SPON1: variants seen among roughly 807,000 people sequenced by gnomAD.
SPON1 encodes spondin-1.
Under a neutral mutation model 111.7 loss-of-function variants are expected in SPON1, and 52 were observed. That is an observed-to-expected ratio of 0.47 (90% CI 0.37 to 0.59). The LOEUF (loss-of-function observed/expected upper bound fraction) is 0.59. Among genes scored for constraint, SPON1 ranks in the 20% least tolerant of loss-of-function variants. SPON1 has a pLI of 0.00. For missense variants in SPON1, 957 were observed against 1,068.5 expected (o/e 0.90, Z 1.46); for synonymous variants, 410 against 395.8 (o/e 1.04, Z -0.43).
intron 2 of SPON1, among the ~76,000 whole-genome samples, chr11:13,992,645 C>T (rs1287795746): frequency 6.6e-6 from 1 of 152,100 alleles, no homozygotes; most frequent in Admixed American, 6.5e-5. Flanking sequence ...AGTATCTGCC[C>T]AAATGGCCAC....
intron 6 of SPON1, among the ~76,000 whole-genome samples, chr11:14,219,499 A>C (rs1398386544): frequency 6.6e-6 from 1 of 152,136 alleles, no homozygotes; most frequent in Non-Finnish European, 1.5e-5. Context: ...TGACCCTGAG[A>C]TCTGGATTTT....
chr11:14,240,589 TTGTGTG>T (rs56265194), intron 6 of SPON1, among the ~76,000 whole-genome samples: 33,383 of 140,214 alleles, frequency 0.24, 4,334 homozygotes, highest in East Asian at 0.38. Flanking sequence ...AGAAGCAATA[TTGTGTG>T]TGTGTGTGTG....
intron 6 of SPON1, among the ~76,000 whole-genome samples, chr11:14,225,386 A>G (rs2133908914): frequency 6.6e-6 from 1 of 152,280 alleles, no homozygotes; most frequent in East Asian, 1.9e-4. Context: ...ACAAAACTAT[A>G]CATAGTTTCG....
In SPON1 at chr11:14,144,485, C is replaced by T. The variant is rs562667088; in HGVS notation, c.825+8917C>T. Reference sequence around the variant, plus strand: ...TCTCTACTAAAAATACAAAAATTAGCCAGGCGTGGCGGCAGGCACCTGTAA... The same window carrying T: ...TCTCTACTAAAAATACAAAAATTAGTCAGGCGTGGCGGCAGGCACCTGTAA... On this transcript the variant is annotated intron_variant, in intron 6 of 15. Coordinates refer to ENST00000576479, the MANE Select transcript of SPON1 (RefSeq NM_006108.4). Among the ~76,000 whole-genome samples the T allele has an allele frequency of 4.4e-4, 67 of 151,942 alleles. No homozygotes were observed. The South Asian group carries it at 6.5e-3, about 15-fold the overall frequency.
intron 6 of SPON1, among the ~76,000 whole-genome samples, chr11:14,175,327 G>C (rs1237383987): frequency 6.6e-6 from 1 of 152,172 alleles, no homozygotes; most frequent in East Asian, 1.9e-4. Flanking sequence ...TCAAAAGAAA[G>C]TATTCCCACA....
chr11:14,058,135 GA>G (rs1474036107), intron 3 of SPON1, among the ~76,000 whole-genome samples: 1 of 152,084 alleles, frequency 6.6e-6, no homozygotes, highest in Non-Finnish European at 1.5e-5. Context: ...TTTTCTCTCA[GA>G]AGGTTGGGCC....
At chr11:14,162,576 A>G (rs952567373) in intron 6 of SPON1, among the ~76,000 whole-genome samples, 3 of 152,278 alleles carry the variant, frequency 2.0e-5, no homozygotes, top group East Asian at 1.9e-4. Flanking sequence ...ACTTTTCCCA[A>G]TCTTTTACAG....
chr11:13,993,254 A>G (rs531814327), intron 2 of SPON1, among the ~76,000 whole-genome samples: 4 of 152,094 alleles, frequency 2.6e-5, no homozygotes, highest in African/African-American at 9.6e-5. Flanking sequence ...CACCTCTCCA[A>G]AGAAGGCCGA....
intron 2 of SPON1, among the ~76,000 whole-genome samples, chr11:13,990,688 A>G (rs1007579603): frequency 3.3e-5 from 5 of 151,978 alleles, no homozygotes; most frequent in Admixed American, 3.3e-4. Flanking sequence ...ACCATTTGGC[A>G]TATTTTTGCG....
intron 5 of SPON1, among the ~76,000 whole-genome samples, chr11:14,084,209 A>G (rs1375494225): frequency 6.6e-6 from 1 of 151,844 alleles, no homozygotes; most frequent in Non-Finnish European, 1.5e-5. Flanking sequence ...TACATGTGCC[A>G]TGGTGGTTTT....
chr11:14,107,181 G>A (rs1164745382), intron 5 of SPON1, among the ~76,000 whole-genome samples: 8 of 152,138 alleles, frequency 5.3e-5, no homozygotes, highest in Non-Finnish European at 1.0e-4. Context: ...CTTTCTGGAG[G>A]GTTTTGCTGG....
chr11:13,988,049 T>A (rs1848199201), intron 2 of SPON1, among the ~76,000 whole-genome samples: 1 of 152,196 alleles, frequency 6.6e-6, no homozygotes, highest in Non-Finnish European at 1.5e-5. Context: ...CTTTTTTGGC[T>A]CCATATGAAG....
intron 7 of SPON1, among the ~76,000 whole-genome samples, chr11:14,252,593 CAG>C (rs1849064598): frequency 8.9e-6 from 1 of 112,166 alleles, no homozygotes; most frequent in Non-Finnish European, 2.0e-5. Context: ...AAGACCTGCG[CAG>C]AGTGTGGGAA....
chr11:14,185,841 A>G (rs1259720993), intron 6 of SPON1, among the ~76,000 whole-genome samples: 3 of 152,236 alleles, frequency 2.0e-5, no homozygotes, highest in Non-Finnish European at 4.4e-5. Flanking sequence ...ACTGATCAGA[A>G]CATTGCAAAG....
rs552037742 is a variant in SPON1 at position 14,030,468 on chromosome 11, C to T, written c.346-11053C>T. Among the ~76,000 whole-genome samples the T allele has an allele frequency of 7.3e-3, 1,105 of 152,268 alleles. 20 individuals carry two copies. The highest frequency in any genetic ancestry group is 7.5e-3 in the Non-Finnish European group (507 of 68,026). ...GGTCCGCCAATGGTGCTCGTGGCCA[C>T]GTCACCTCCCCCACAATCCCACGTG... On this transcript the variant is annotated intron_variant, in intron 2 of 15. Transcript: ENST00000576479.
At chr11:14,084,134 C>CT (rs879987079) in intron 5 of SPON1, among the ~76,000 whole-genome samples, 74 of 146,672 alleles carry the variant, frequency 5.0e-4, no homozygotes, top group Non-Finnish European at 7.6e-4. Flanking sequence ...CAAGGACATT[C>CT]TTTTTTTTTT....
chr11:14,170,755 G>A (rs1285275703), intron 6 of SPON1, among the ~76,000 whole-genome samples: 1 of 152,150 alleles, frequency 6.6e-6, no homozygotes, highest in African/African-American at 2.4e-5. Flanking sequence ...AGATAATCAT[G>A]TGGCTTTTGT....
chr11:14,040,728 A>G (rs1253952746), intron 2 of SPON1, among the ~76,000 whole-genome samples: 1 of 152,178 alleles, frequency 6.6e-6, no homozygotes, highest in Non-Finnish European at 1.5e-5. Flanking sequence ...CACTCAATGA[A>G]TGTTATCTAG....
chr11:14,239,595 C>T (rs1848902757), intron 6 of SPON1, among the ~76,000 whole-genome samples: 1 of 152,138 alleles, frequency 6.6e-6, no homozygotes, highest in African/African-American at 2.4e-5. Context: ...AGTAGTGGTG[C>T]ACACCTGTAG....
Sources: gnomAD v4.1 joint callset for allele counts (sites outside exome capture counted in the v4.1 genomes callset) on GRCh38, gnomAD v4.1.1 for gene constraint, MANE v1.5 for transcripts, NCBI Gene and HGNC (gene_info 2026-07-23, HGNC 2026-07-21) for gene names.